The following HMX3 variants were observed in gnomAD, a reference collection of about 807,000 sequenced individuals.
The protein encoded by HMX3 is homeobox protein HMX3.
A neutral mutation model predicts 22.8 loss-of-function variants in HMX3; 8 were observed. That is an observed-to-expected ratio of 0.35 (90% CI 0.21 to 0.63). The LOEUF is 0.63. Among genes scored for constraint, HMX3 ranks in the 30% least tolerant of loss-of-function variants. HMX3 has a pLI of 0.72. For synonymous variants in HMX3, 331 were observed against 250.9 expected, an observed-to-expected ratio of 1.32 and a Z score of -3.02; for missense variants, 527 against 520.6, an observed-to-expected ratio of 1.01 and a Z score of -0.12.
chr10:123,137,753 G>A lies in HMX3; in HGVS notation c.*22G>A, dbSNP rs545347331. The A allele has an allele frequency of 8.5e-6, 12 of 1,408,612 alleles. No individual in the cohort carries two copies. The South Asian group carries it at 1.4e-4, about 16-fold the overall frequency. The allele number at this position is 1,408,612 out of a possible 1,614,324, so 87.3% of individuals were successfully genotyped here. ...CTGAGGCCCCAGAGGGGTGGGGGAG[G>A]GAGCGCCCGGCCTCCTTGTCCGGAC... On this transcript the variant is annotated 3_prime_UTR_variant, in exon 2 of 2. Transcript: ENST00000357878. This position sits in a 1 kb window ranked among gnomAD's most constrained non-coding sequence, Gnocchi z 5.8.
Position 123,136,096 on chromosome 10 carries a change from C to G in HMX3, c.46C>G (p.Pro16Ala), listed in dbSNP as rs1325278767. 5.7e-6 allele frequency: 8 copies of G among 1,398,386 alleles called. No individual in the cohort carries two copies. Among genetic ancestry groups the G allele is most frequent in the Non-Finnish European group, 7.4e-6 (8 of 1,075,554 alleles). The allele number at this position is 1,398,386 out of a possible 1,614,324, so 86.6% of individuals were successfully genotyped here. A position where few individuals can be genotyped will look rare whatever the true frequency, so the allele number is the denominator to read the frequency against. ...CGCTGCCGGCACCGCCAGCGCACAG[C>G]CCCAACCGCCGCCGCCCCCCCCACC... ...PDAAGTASAQ[P>A]QPPPPPPPAP... The change falls in exon 1 of 2, where the codon CCC becomes GCC. Residue 16 changes from proline (P) to alanine (A), a missense_variant. Pro to Ala is a conservative substitution (Grantham distance 27). Transcript: ENST00000357878. This position sits in a 1 kb window ranked among gnomAD's most constrained non-coding sequence, Gnocchi z 4.8.
rs765513855 is a variant in HMX3 at position 123,136,115 on chromosome 10, C to A, written c.65C>A (p.Pro22His). 4 of 1,377,396 alleles carry A rather than the reference C, an allele frequency of 2.9e-6. 1 individual carries two copies. In the South Asian group the frequency reaches 7.1e-5, roughly 25 times the overall value. 85.3% of individuals were successfully genotyped at this position (1,377,396 alleles called of 1,614,324 possible). The change falls in exon 1 of 2, where the codon CCC becomes CAC. Residue 22 changes from proline to histidine, a missense_variant. Physicochemically the swap from Pro to His is moderately conservative, Grantham distance 77. Coordinates refer to ENST00000357878, the MANE Select transcript of HMX3 (RefSeq NM_001105574.2). The surrounding 1 kb of genome is among the most constrained non-coding windows in gnomAD (Gnocchi z 4.8). ...GCACAGCCCCAACCGCCGCCGCCCC[C>A]CCCACCCGCTCCCAAGGAGTCCCCG... ...ASAQPQPPPP[P>H]PPAPKESPFS... is the part of the protein sequence containing the mutation.
chr10:123,137,206 G>A lies in HMX3; in HGVS notation c.549G>A (p.Glu183=). The part of the protein sequence containing the change: ...DEIILEESDS[E]ESKKEGEAAP... ...TCATTCTGGAGGAGAGCGACTCCGA[G>A]GAAAGCAAAAAGGAAGGCGAAGCGG... The change falls in exon 2 of 2, where the codon GAG becomes GAA. Residue 183 remains glutamate (E), a synonymous_variant. Transcript: ENST00000357878. The surrounding 1 kb of genome is among the most constrained non-coding windows in gnomAD (Gnocchi z 5.8). The A allele has an allele frequency of 6.2e-7, 1 of 1,600,074 alleles. No homozygotes were observed. Among genetic ancestry groups the A allele is most frequent in the Non-Finnish European group, 8.5e-7 (1 of 1,173,482 alleles).
At position 123,136,057 on chromosome 10, in the gene HMX3, G is replaced by C. The variant is rs1844067797; in HGVS notation, c.7G>C (p.Glu3Gln). 3.6e-6 allele frequency: 5 copies of C among 1,391,416 alleles called. No homozygotes were observed. The highest frequency in any genetic ancestry group is 4.7e-6 in the Non-Finnish European group (5 of 1,071,336). 86.2% of individuals were successfully genotyped at this position (1,391,416 alleles called of 1,614,324 possible). A position where few individuals can be genotyped will look rare whatever the true frequency, so the allele number is the denominator to read the frequency against. Residue 3 changes from glutamate (E) to glutamine (Q), a missense_variant, in exon 1 of 2, where the codon GAA (glutamate) becomes CAA (glutamine). Glu to Gln is a conservative substitution (Grantham distance 29). Coordinates refer to ENST00000357878, the MANE Select transcript of HMX3 (RefSeq NM_001105574.2). This position sits in a 1 kb window ranked among gnomAD's most constrained non-coding sequence, Gnocchi z 4.8. MP[E>Q]PGPDAAGTAS... ...ACCCGGAGGAGAGGGGACCATGCCGGAACCCGGGCCGGACGCTGCCGGCAC... is the reference window on the plus strand; with the variant it reads ...ACCCGGAGGAGAGGGGACCATGCCGCAACCCGGGCCGGACGCTGCCGGCAC...
chr10:123,137,101 C>G lies in HMX3; in HGVS notation c.444C>G (p.Gly148=). 6.2e-7 allele frequency: 1 copy of G among 1,611,108 alleles called. No individual in the cohort carries two copies. Among genetic ancestry groups the G allele is most frequent in the Non-Finnish European group, 8.5e-7 (1 of 1,179,192 alleles). Residue 148 remains glycine, a synonymous_variant, in exon 2 of 2, where the codon GGC becomes GGG. Transcript: ENST00000357878. This position sits in a 1 kb window ranked among gnomAD's most constrained non-coding sequence, Gnocchi z 5.8. ...ALLRDSSPAS[G]TDRDSPEPLL... ...TGAGAGACTCCTCCCCCGCCTCCGG[C>G]ACAGACCGCGACTCTCCGGAGCCAC...
In HMX3 at chr10:123,136,209, G is replaced by T. The variant is rs1340437283; in HGVS notation, c.159G>T (p.Arg53=). The T allele has an allele frequency of 6.6e-6, 9 of 1,373,434 alleles. 1 individual carries two copies. In the East Asian group the frequency reaches 2.6e-4, roughly 40 times the overall value. The allele number at this position is 1,373,434 out of a possible 1,614,324, so 85.1% of individuals were successfully genotyped here. The change falls in exon 1 of 2, where the codon CGG becomes CGT. Residue 53 remains arginine (R), a synonymous_variant. Coordinates refer to ENST00000357878, the MANE Select transcript of HMX3 (RefSeq NM_001105574.2). This position sits in a 1 kb window ranked among gnomAD's most constrained non-coding sequence, Gnocchi z 4.8. ...CCCCTAAGCCTCAGCCGCCCCCACGGACGCTCTTCGCGCCAGCCTCGGCTG... is the reference window on the plus strand; with the variant it reads ...CCCCTAAGCCTCAGCCGCCCCCACGTACGCTCTTCGCGCCAGCCTCGGCTG... ...RPPPKPQPPP[R]TLFAPASAAA... is the part of the protein sequence containing the mutation.
chr10:123,137,774 C>G lies in HMX3; in HGVS notation c.*43C>G, dbSNP rs1464676312. The stretch of plus-strand genomic sequence containing the variant: ...GGAGGGAGCGCCCGGCCTCCTTGTC[C>G]GGACCCCGGAGGAGACTGGGCCGGG... On this transcript the variant is annotated 3_prime_UTR_variant, in exon 2 of 2. Transcript: ENST00000357878. This position sits in a 1 kb window ranked among gnomAD's most constrained non-coding sequence, Gnocchi z 5.8. The G allele has an allele frequency of 1.5e-6, 2 of 1,374,134 alleles. No homozygotes were observed. The highest frequency in any genetic ancestry group is 1.9e-6 in the Non-Finnish European group (2 of 1,056,366). The allele number at this position is 1,374,134 out of a possible 1,614,324, so 85.1% of individuals were successfully genotyped here. A position where few individuals can be genotyped will look rare whatever the true frequency, so the allele number is the denominator to read the frequency against.
Position 123,136,091 on chromosome 10 carries a change from C to A in HMX3, c.41C>A (p.Ala14Glu). The part of the protein sequence containing the change: ...PGPDAAGTAS[A>E]QPQPPPPPPP... The stretch of plus-strand genomic sequence containing the variant: ...CCGGACGCTGCCGGCACCGCCAGCG[C>A]ACAGCCCCAACCGCCGCCGCCCCCC... The change falls in exon 1 of 2, where the codon GCA (alanine) becomes GAA (glutamate). Residue 14 changes from alanine to glutamate, a missense_variant. Ala to Glu is a moderately radical substitution (Grantham distance 107). This residue lies in a region of HMX3 where 386 missense variants were observed against 337.8 expected (regional missense o/e 1.14). Transcript: ENST00000357878. This position sits in a 1 kb window ranked among gnomAD's most constrained non-coding sequence, Gnocchi z 4.8. The A allele has an allele frequency of 7.1e-7, 1 of 1,404,492 alleles. No individual in the cohort carries two copies. The highest frequency in any genetic ancestry group is 9.3e-7 in the Non-Finnish European group (1 of 1,078,212). 87.0% of individuals were successfully genotyped at this position (1,404,492 alleles called of 1,614,324 possible). A position where few individuals can be genotyped will look rare whatever the true frequency, so the allele number is the denominator to read the frequency against.
rs1429002883 is a variant in HMX3, at chr10:123,139,070, G to C, written c.*1339G>C. On this transcript the variant is annotated 3_prime_UTR_variant, in exon 2 of 2. Coordinates refer to ENST00000357878, the MANE Select transcript of HMX3 (RefSeq NM_001105574.2). ...AAAGAAAAAAGTAGGCAGGGGAAAG[G>C]GGGGAAGAAAGAAACAAGCTTAGGT... is the stretch of plus-strand genomic sequence containing the variant. Among the ~76,000 whole-genome samples, 1 of 152,158 alleles carries C rather than the reference G, an allele frequency of 6.6e-6. No homozygotes were observed. Among genetic ancestry groups the C allele is most frequent in the Non-Finnish European group, 1.5e-5 (1 of 68,032 alleles).
rs542673505 is a variant in HMX3, at chr10:123,136,515, G to A, written c.400+65G>A. The A allele has an allele frequency of 1.5e-4, 188 of 1,237,708 alleles. No individual in the cohort carries two copies. Among genetic ancestry groups the A allele is most frequent in the Middle Eastern group, 8.3e-4 (3 of 3,610 alleles). 76.7% of individuals were successfully genotyped at this position (1,237,708 alleles called of 1,614,324 possible). ...GCCCGCCCCGTCCCCGCCCCGCGCT[G>A]CTTCCCTCCGCAGTTCTGGGACCCC... On this transcript the variant is annotated intron_variant, in intron 1 of 1. Coordinates refer to ENST00000357878, the MANE Select transcript of HMX3 (RefSeq NM_001105574.2). This position sits in a 1 kb window ranked among gnomAD's most constrained non-coding sequence, Gnocchi z 4.8.
At position 123,136,230 on chromosome 10, in the gene HMX3, G is replaced by T. The variant is rs1844071289; in HGVS notation, c.180G>T (p.Ser60=). 17 of 1,335,014 alleles carry T rather than the reference G, an allele frequency of 1.3e-5. No homozygotes were observed. In the East Asian group the frequency reaches 5.2e-4, roughly 41 times the overall value. 82.7% of individuals were successfully genotyped at this position (1,335,014 alleles called of 1,614,324 possible). ...PPPRTLFAPA[S]AAAAAAAAAA... ...CACGGACGCTCTTCGCGCCAGCCTC[G>T]GCTGCCGCCGCCGCCGCCGCTGCCG... Residue 60 remains serine, a synonymous_variant, in exon 1 of 2, where the codon TCG becomes TCT. Coordinates refer to ENST00000357878, the MANE Select transcript of HMX3 (RefSeq NM_001105574.2). The surrounding 1 kb of genome is among the most constrained non-coding windows in gnomAD (Gnocchi z 4.8).
chr10:123,136,096 C>T lies in HMX3; in HGVS notation c.46C>T (p.Pro16Ser), dbSNP rs1325278767. ...PDAAGTASAQPQPPPPPPPAP... is the reference protein window; with the variant it reads ...PDAAGTASAQSQPPPPPPPAP... ...CGCTGCCGGCACCGCCAGCGCACAGCCCCAACCGCCGCCGCCCCCCCCACC... is the reference window on the plus strand; with the variant it reads ...CGCTGCCGGCACCGCCAGCGCACAGTCCCAACCGCCGCCGCCCCCCCCACC... The change falls in exon 1 of 2, where the codon CCC becomes TCC. Residue 16 changes from proline (P) to serine (S), a missense_variant. Around this residue, in one of 3 missense-constraint regions of HMX3, gnomAD observed 386 missense variants for 337.8 expected, o/e 1.14. Coordinates refer to ENST00000357878, the MANE Select transcript of HMX3 (RefSeq NM_001105574.2). This position sits in a 1 kb window ranked among gnomAD's most constrained non-coding sequence, Gnocchi z 4.8. 6 of 1,398,386 alleles carry T rather than the reference C, an allele frequency of 4.3e-6. No individual in the cohort carries two copies. Among genetic ancestry groups the T allele is most frequent in the African/African-American group, 1.5e-5 (1 of 65,960 alleles). The allele number at this position is 1,398,386 out of a possible 1,614,324, so 86.6% of individuals were successfully genotyped here. A position where few individuals can be genotyped will look rare whatever the true frequency, so the allele number is the denominator to read the frequency against.
In HMX3 at chr10:123,137,088, C is replaced by A; in HGVS notation, c.431C>A (p.Ser144Tyr). 5.6e-6 allele frequency: 9 copies of A among 1,610,406 alleles called. No homozygotes were observed. Among genetic ancestry groups the A allele is most frequent in the Non-Finnish European group, 7.6e-6 (9 of 1,178,940 alleles). Residue 144 changes from serine (S) to tyrosine (Y), a missense_variant, in exon 2 of 2, where the codon TCC (serine) becomes TAC (tyrosine). By Grantham distance (144) the Ser-to-Tyr change is moderately radical. Coordinates refer to ENST00000357878, the MANE Select transcript of HMX3 (RefSeq NM_001105574.2). This position sits in a 1 kb window ranked among gnomAD's most constrained non-coding sequence, Gnocchi z 5.8. ...GAGAAGGCCTTGCTGAGAGACTCCTCCCCCGCCTCCGGCACAGACCGCGAC... is the reference window on the plus strand; with the variant it reads ...GAGAAGGCCTTGCTGAGAGACTCCTACCCCGCCTCCGGCACAGACCGCGAC... ...ASEKALLRDS[S>Y]PASGTDRDSP...
At position 123,136,333 on chromosome 10, in the gene HMX3, C is replaced by G; in HGVS notation, c.283C>G (p.Arg95Gly). The change falls in exon 1 of 2, where the codon CGC (arginine) becomes GGC (glycine). Residue 95 changes from arginine to glycine, a missense_variant. Physicochemically the swap from Arg to Gly is moderately radical, Grantham distance 125. Transcript: ENST00000357878. This position sits in a 1 kb window ranked among gnomAD's most constrained non-coding sequence, Gnocchi z 4.8. Reference protein sequence around the residue: ...LSQVGDLAFPRFEIPAQRFAL... With the variant: ...LSQVGDLAFPGFEIPAQRFAL... ...GCAGGTGGGCGACCTGGCTTTCCCT[C>G]GCTTTGAGATCCCGGCGCAGAGGTT... is the stretch of plus-strand genomic sequence containing the variant. The G allele has an allele frequency of 6.4e-7, 1 of 1,570,246 alleles. No individual in the cohort carries two copies.
rs1266871091 is a variant in HMX3 at position 123,137,113 on chromosome 10, C to G, written c.456C>G (p.Asp152Glu). Reference sequence around the variant, plus strand: ...CCCCCGCCTCCGGCACAGACCGCGACTCTCCGGAGCCACTGCTCAAGGCCG... The same window carrying G: ...CCCCCGCCTCCGGCACAGACCGCGAGTCTCCGGAGCCACTGCTCAAGGCCG... ...DSSPASGTDR[D>E]SPEPLLKADP... is the part of the protein sequence containing the mutation. Residue 152 changes from aspartate to glutamate, a missense_variant, in exon 2 of 2, where the codon GAC becomes GAG. Around this residue, in one of 3 missense-constraint regions of HMX3, gnomAD observed 386 missense variants for 337.8 expected, o/e 1.14. Coordinates refer to ENST00000357878, the MANE Select transcript of HMX3 (RefSeq NM_001105574.2). This position sits in a 1 kb window ranked among gnomAD's most constrained non-coding sequence, Gnocchi z 5.8. 1.2e-6 allele frequency: 2 copies of G among 1,610,690 alleles called. No homozygotes were observed. Among genetic ancestry groups the G allele is most frequent in the African/African-American group, 2.7e-5 (2 of 74,868 alleles).
rs1030738930 is a variant in HMX3, at chr10:123,138,428, G to C, written c.*697G>C. ...CTCCCAAAGTGCTGGGATTACAGGC[G>C]TGAGCCACTGCGCCCGGCCTAGTTT... On this transcript the variant is annotated 3_prime_UTR_variant, in exon 2 of 2. Coordinates refer to ENST00000357878, the MANE Select transcript of HMX3 (RefSeq NM_001105574.2). Among the ~76,000 whole-genome samples the C allele has an allele frequency of 1.3e-5, 2 of 152,050 alleles. No homozygotes were observed. The highest frequency in any genetic ancestry group is 4.8e-5 in the African/African-American group (2 of 41,392).
chr10:123,138,893 A>G lies in HMX3; in HGVS notation c.*1162A>G, dbSNP rs1178913329. The stretch of plus-strand genomic sequence containing the variant: ...GTAATTTCAGTATTTTTAATATGAT[A>G]TCTTTTATCCTCTCCTCTTACTTTT... On this transcript the variant is annotated 3_prime_UTR_variant, in exon 2 of 2. Coordinates refer to ENST00000357878, the MANE Select transcript of HMX3 (RefSeq NM_001105574.2). Among the ~76,000 whole-genome samples, 3 of 152,206 alleles carry G rather than the reference A, an allele frequency of 2.0e-5. No individual in the cohort carries two copies. Among genetic ancestry groups the G allele is most frequent in the Middle Eastern group, 3.2e-3 (1 of 316 alleles).
In HMX3 at chr10:123,139,351, A is replaced by G. The variant is rs1016389524; in HGVS notation, c.*1620A>G. ...TCCCTTTTTAAGAAAAAGAGAAAAA[A>G]AAAACCCACAAAATATTGTTACACT... On this transcript the variant is annotated 3_prime_UTR_variant, in exon 2 of 2. Transcript: ENST00000357878. 6.6e-6 allele frequency among the ~76,000 whole-genome samples: 1 copy of G among 151,948 alleles called. No individual in the cohort carries two copies. The highest frequency in any genetic ancestry group is 6.6e-5 in the Admixed American group (1 of 15,264).
rs1475722026 is a variant in HMX3, at chr10:123,137,593, G to A, written c.936G>A (p.Glu312=). ...RIVRVPILYH[E]NSAAEGAAAA... ...TGCGGGTGCCCATCCTCTACCACGAGAACTCGGCGGCCGAGGGCGCGGCGG... is the reference window on the plus strand; with the variant it reads ...TGCGGGTGCCCATCCTCTACCACGAAAACTCGGCGGCCGAGGGCGCGGCGG... Residue 312 remains glutamate (E), a synonymous_variant, in exon 2 of 2, where the codon GAG becomes GAA. Transcript: ENST00000357878. This position sits in a 1 kb window ranked among gnomAD's most constrained non-coding sequence, Gnocchi z 5.8. 3 of 1,593,420 alleles carry A rather than the reference G, an allele frequency of 1.9e-6. No homozygotes were observed. Among genetic ancestry groups the A allele is most frequent in the Non-Finnish European group, 1.7e-6 (2 of 1,172,264 alleles).
Sources: allele counts gnomAD v4.1 joint callset (sites outside exome capture counted in the v4.1 genomes callset), GRCh38; gene constraint gnomAD v4.1.1; regional missense constraint gnomAD v4.1.1; non-coding constraint Gnocchi (gnomAD v3.1); transcripts MANE v1.5; gene names NCBI Gene and HGNC (gene_info 2026-07-23, HGNC 2026-07-21).